Variants in C1orf87 observed in about 807,000 individuals in gnomAD.
C1orf87 encodes uncharacterized protein C1orf87.
In C1orf87, 58 loss-of-function variants were observed where a neutral mutation model predicts 60.5. The observed-to-expected ratio is 0.96, with a 90% CI of 0.78 to 1.19. The LOEUF is 1.19. C1orf87 is among the 50% of genes most tolerant of loss of function. C1orf87 has a pLI of 0.00. For missense variants in C1orf87, 673 were observed against 638.6 expected (o/e 1.05, Z -0.58); for synonymous variants, 236 against 227.4 (o/e 1.04, Z -0.34).
rs1645125569 is a variant in C1orf87 at position 60,016,494 on chromosome 1, GAGA to G, written c.1128-6041_1128-6039del. On this transcript the variant is annotated intron_variant, in intron 8 of 11. Transcript: ENST00000371201. ...TTCTTTCCACCTTTCAGTTAACTGG[GAGA>G]AGTACAGCCCTTCCCTGATATAGAG... Among the ~76,000 whole-genome samples the G allele has an allele frequency of 2.0e-5, 3 of 152,258 alleles. 1 individual carries two copies. In the South Asian group the frequency reaches 6.2e-4, roughly 32 times the overall value.
At chr1:60,035,782 T>C (rs151111607) in intron 6 of C1orf87, among the ~76,000 whole-genome samples, 1 of 152,224 alleles carries the variant, frequency 6.6e-6, no homozygotes, top group Non-Finnish European at 1.5e-5. Context: ...ATCTTCTGTA[T>C]GCCAGGAACT....
At position 60,025,508 on chromosome 1, in the gene C1orf87, A is replaced by G. The variant is rs777081359; in HGVS notation, c.1030-10T>C. 2 of 1,413,698 alleles carry G rather than the reference A, an allele frequency of 1.4e-6. No individual in the cohort carries two copies. Among genetic ancestry groups the G allele is most frequent in the East Asian group, 5.0e-5 (2 of 40,346 alleles). The allele number at this position is 1,413,698 out of a possible 1,614,324, so 87.6% of individuals were successfully genotyped here. ...CACATATAGCCCTGACCTACAAGTT[A>G]AAAAAAAATAAAAAAGATTTGATGT... On this transcript the variant is annotated splice_polypyrimidine_tract_variant and intron_variant, in intron 7 of 11. Coordinates refer to ENST00000371201, the MANE Select transcript of C1orf87 (RefSeq NM_152377.3).
intron 8 of C1orf87, chr1:60,011,022 AG>A (rs1645080943): frequency 6.6e-6 from 1 of 151,978 alleles, no homozygotes; most frequent in African/African-American, 2.4e-5. Context: ...TTGTGTCAAG[AG>A]GGTTTCAGAA....
chr1:60,031,142 A>G (rs953715988), intron 7 of C1orf87, among the ~76,000 whole-genome samples: 3 of 152,162 alleles, frequency 2.0e-5, no homozygotes, highest in African/African-American at 7.2e-5. Flanking sequence ...AAACCCCTTT[A>G]ACTCAGTCAT....
intron 2 of C1orf87, among the ~76,000 whole-genome samples, chr1:60,064,790 T>TA (rs1645528668): frequency 1.1e-5 from 1 of 92,702 alleles, no homozygotes; most frequent in Non-Finnish European, 1.9e-5. Flanking sequence ...TAAATATATA[T>TA]TAAATATATA....
chr1:60,010,539 A>G (rs1645076192), intron 8 of C1orf87, 83 bp from the exon 9 acceptor site: 1 of 1,196,812 alleles, frequency 8.4e-7, no homozygotes, highest in African/African-American at 1.5e-5. Context: ...TTATATTGGT[A>G]GTGATATTGA....
chr1:60,047,012 C>CT (rs1190154395), intron 3 of C1orf87, among the ~76,000 whole-genome samples: 2 of 152,210 alleles, frequency 1.3e-5, no homozygotes, highest in East Asian at 1.9e-4. Flanking sequence ...ATCTAATTGC[C>CT]TTTTTTTGGA....
intron 7 of C1orf87, among the ~76,000 whole-genome samples, chr1:60,027,839 G>A (rs1212198152): frequency 1.3e-5 from 2 of 152,122 alleles, no homozygotes; most frequent in Non-Finnish European, 2.9e-5. Flanking sequence ...GAAAGAGCAC[G>A]GTGCTTTTTA....
intron 8 of C1orf87, among the ~76,000 whole-genome samples, chr1:60,022,655 T>A (rs1240029785): frequency 6.6e-6 from 1 of 152,166 alleles, no homozygotes; most frequent in Non-Finnish European, 1.5e-5. Context: ...AGCATACATT[T>A]TTTTTCCCTC....
intron 8 of C1orf87, among the ~76,000 whole-genome samples, chr1:60,020,793 T>C (rs547596372): frequency 2.6e-5 from 4 of 152,294 alleles, no homozygotes; most frequent in African/African-American, 9.6e-5. Context: ...TGAGGGACTG[T>C]TGGGAAGGCA....
intron 11 of C1orf87, among the ~76,000 whole-genome samples, chr1:59,991,841 C>T (rs957491608): frequency 3.3e-5 from 5 of 152,124 alleles, no homozygotes; most frequent in Non-Finnish European, 5.9e-5. Flanking sequence ...GTGTAGACCA[C>T]GGCATCACTG....
At chr1:60,004,337 C>G (rs1645027736) in intron 9 of C1orf87, among the ~76,000 whole-genome samples, 1 of 152,000 alleles carries the variant, frequency 6.6e-6, no homozygotes, top group Non-Finnish European at 1.5e-5. Context: ...ATGCTCAATT[C>G]AAGGTATTAT....
chr1:60,030,807 G>C (rs1645232706), intron 7 of C1orf87, among the ~76,000 whole-genome samples: 1 of 152,212 alleles, frequency 6.6e-6, no homozygotes, highest in African/African-American at 2.4e-5. Context: ...TCATTGCATT[G>C]AAGGTATGCT....
intron 10 of C1orf87, among the ~76,000 whole-genome samples, 188 bp from the exon 11 acceptor site, chr1:59,998,004 T>C (rs1036650112): frequency 2.6e-5 from 4 of 152,124 alleles, no homozygotes; most frequent in Admixed American, 2.6e-4. Flanking sequence ...GATACAAACA[T>C]GTGAAGTGTG....
chr1:59,993,629 C>A (rs1644941480), intron 11 of C1orf87, among the ~76,000 whole-genome samples: 1 of 152,020 alleles, frequency 6.6e-6, no homozygotes, highest in East Asian at 1.9e-4. Flanking sequence ...AAATTTGTAT[C>A]TGTCTAATTT....
intron 7 of C1orf87, among the ~76,000 whole-genome samples, chr1:60,029,623 C>T (rs1645222446): frequency 6.8e-6 from 1 of 146,622 alleles, no homozygotes; most frequent in South Asian, 2.2e-4. Flanking sequence ...CCATCTCTTC[C>T]CCTGTCCCCC....
In C1orf87 at chr1:60,039,915, A is replaced by G; in HGVS notation, c.747+2T>C. ...ACACTTCCAATAGTACAATTGCCAT[A>G]CCATTTCAGGAGAACCCCTCTTAGA... On this transcript the variant is annotated splice_donor_variant, in intron 5 of 11. Transcript: ENST00000371201. LOFTEE classifies it high-confidence loss of function. 1 of 1,612,620 alleles carries G rather than the reference A, an allele frequency of 6.2e-7. No homozygotes were observed. Among genetic ancestry groups the G allele is most frequent in the Non-Finnish European group, 8.5e-7 (1 of 1,179,522 alleles).
chr1:60,037,801 A>C (rs1273785156), intron 6 of C1orf87, among the ~76,000 whole-genome samples, 191 bp downstream of exon 6: 1 of 152,228 alleles, frequency 6.6e-6, no homozygotes, highest in Admixed American at 6.5e-5. Flanking sequence ...AGCAGTGTGC[A>C]TCCTGGAAGA....
intron 11 of C1orf87, among the ~76,000 whole-genome samples, chr1:59,992,395 G>A (rs1271625188): frequency 6.6e-6 from 1 of 151,912 alleles, no homozygotes; most frequent in Non-Finnish European, 1.5e-5. Flanking sequence ...AGCTGGGATT[G>A]CAGGTATGTG....
Sources: gnomAD v4.1 joint callset for allele counts (sites outside exome capture counted in the v4.1 genomes callset) on GRCh38, gnomAD v4.1.1 for gene constraint, MANE v1.5 for transcripts, NCBI Gene and HGNC (gene_info 2026-07-23, HGNC 2026-07-21) for gene names.